The following LGR5 variants were observed in gnomAD, a reference collection of about 807,000 sequenced individuals.
LGR5 encodes leucine rich repeat containing G protein-coupled receptor 5.
A neutral mutation model predicts 76.7 loss-of-function variants in LGR5; 54 were observed. The ratio of observed to expected loss-of-function variants is 0.70; its 90% CI spans 0.57 to 0.88. The LOEUF (loss-of-function observed/expected upper bound fraction) is 0.88. LGR5 is among the 40% of genes least tolerant of loss of function. The pLI, the probability that LGR5 is intolerant of heterozygous loss-of-function variation, is 0.00. For synonymous variants in LGR5, 406 were observed against 421.9 expected (o/e 0.96, Z 0.46); for missense variants, 1,078 against 1,073.3 (o/e 1.00, Z -0.06).
chr12:71,467,923 A>G (rs1592465417), intron 1 of LGR5, among the ~76,000 whole-genome samples: 1 of 152,346 alleles, frequency 6.6e-6, no homozygotes, highest in Non-Finnish European at 1.5e-5. Context: ...TAATTCTCAC[A>G]AAGTTGAGAG....
intron 11 of LGR5, among the ~76,000 whole-genome samples, chr12:71,568,735 G>A (rs1045822982): frequency 2.0e-5 from 3 of 152,128 alleles, no homozygotes; most frequent in Non-Finnish European, 2.9e-5. Flanking sequence ...CTCACCCCTA[G>A]TACAAGGTGC....
intron 7 of LGR5, 124 bp downstream of exon 7, chr12:71,559,778 A>G (rs1877965419): frequency 1.8e-6 from 1 of 544,290 alleles, no homozygotes; most frequent in Middle Eastern, 4.4e-4. Context: ...AAATAATGAT[A>G]AAGTACACTT....
At chr12:71,538,144 C>G (rs768014540) in intron 4 of LGR5, among the ~76,000 whole-genome samples, 1 of 152,088 alleles carries the variant, frequency 6.6e-6, no homozygotes, top group Admixed American at 6.6e-5. Flanking sequence ...CTACAGCAGG[C>G]CTTCTCAACA....
At position 71,582,520 on chromosome 12, in the gene LGR5, G is replaced by T; in HGVS notation, c.1617G>T (p.Val539=). 3.1e-6 allele frequency: 5 copies of T among 1,613,838 alleles called. No homozygotes were observed. Among genetic ancestry groups the T allele is most frequent in the Non-Finnish European group, 4.2e-6 (5 of 1,179,756 alleles). ...AAGACCTGAAAGCCCTTCATTCAGT[G>T]CAGTGTTCACCTTCCCCAGGTGAGA... The part of the protein sequence containing the change: ...FEEDLKALHS[V]QCSPSPGPFK... Residue 539 remains valine (V), a synonymous_variant, in exon 17 of 18, where the codon GTG becomes GTT. Transcript: ENST00000266674.
rs1325569988 is a variant in LGR5, at chr12:71,572,873, A to G, written c.1160A>G (p.Tyr387Cys). ...AGTGACCTAAGACATAATGAAATCT[A>G]CGAAATTAAAGTTGACACTTTCCAG... is the stretch of plus-strand genomic sequence containing the variant. ...QKIDLRHNEI[Y>C]EIKVDTFQQL... The change falls in exon 13 of 18, where the codon TAC becomes TGC. Residue 387 changes from tyrosine to cysteine, a missense_variant. Physicochemically the swap from Tyr to Cys is radical, Grantham distance 194. Transcript: ENST00000266674. 1 of 1,613,854 alleles carries G rather than the reference A, an allele frequency of 6.2e-7. No homozygotes were observed. Among genetic ancestry groups the G allele is most frequent in the Non-Finnish European group, 8.5e-7 (1 of 1,179,760 alleles).
At chr12:71,448,128 A>T (rs1038119729) in intron 1 of LGR5, among the ~76,000 whole-genome samples, 1 of 144,022 alleles carries the variant, frequency 6.9e-6, no homozygotes, top group African/African-American at 2.5e-5. Flanking sequence ...GTGGTGACTA[A>T]CCTTACATGC....
At position 71,578,702 on chromosome 12, in the gene LGR5, T is replaced by C. The variant is rs1878963014; in HGVS notation, c.1281-102T>C. The C allele has an allele frequency of 4.1e-6, 5 of 1,225,526 alleles. No homozygotes were observed. The South Asian group carries it at 9.4e-5, about 23-fold the overall frequency. The allele number at this position is 1,225,526 out of a possible 1,614,324, so 75.9% of individuals were successfully genotyped here. On this transcript the variant is annotated intron_variant, in intron 14 of 17. Coordinates refer to ENST00000266674, the MANE Select transcript of LGR5 (RefSeq NM_003667.4). ...AAGAGTAAGGACCCTGCTTAGAAGT[T>C]TTTATTGAGTAGTTTAACGATCTTT...
intron 1 of LGR5, among the ~76,000 whole-genome samples, chr12:71,498,206 A>G (rs143190739): frequency 6.6e-6 from 1 of 152,206 alleles, no homozygotes; most frequent in African/African-American, 2.4e-5. Flanking sequence ...AATTACAAGC[A>G]AAAACAATCA....
intron 2 of LGR5, among the ~76,000 whole-genome samples, chr12:71,513,133 C>A (rs975112400): frequency 6.6e-5 from 10 of 152,100 alleles, no homozygotes; most frequent in South Asian, 2.1e-4. Flanking sequence ...GATGGCAATG[C>A]ACACTAAAAT....
At chr12:71,504,750 A>T in intron 2 of LGR5, 65 bp downstream of exon 2, 1 of 1,285,764 alleles carries the variant, frequency 7.8e-7, no homozygotes, top group African/African-American at 1.5e-5. Flanking sequence ...TTTGTCTCTC[A>T]TACTTACTGT....
At chr12:71,482,856 C>T (rs1873669139) in intron 1 of LGR5, among the ~76,000 whole-genome samples, 1 of 152,166 alleles carries the variant, frequency 6.6e-6, no homozygotes, top group African/African-American at 2.4e-5. Context: ...CTAGTGAATA[C>T]TCATATCATG....
intron 2 of LGR5, among the ~76,000 whole-genome samples, chr12:71,514,493 G>A (rs935497264): frequency 2.6e-5 from 4 of 151,408 alleles, no homozygotes; most frequent in Non-Finnish European, 5.9e-5. Context: ...GCTTGAACCC[G>A]GAAGGCGGAG....
chr12:71,451,197 G>A (rs1405509971), intron 1 of LGR5, among the ~76,000 whole-genome samples: 1 of 152,166 alleles, frequency 6.6e-6, no homozygotes, highest in Non-Finnish European at 1.5e-5. Context: ...GATCAGATGG[G>A]TTGATTACAG....
chr12:71,544,307 CT>C (rs1565738932), intron 4 of LGR5, among the ~76,000 whole-genome samples: 1 of 23,004 alleles, frequency 4.3e-5, no homozygotes, highest in East Asian at 1.2e-3. Context: ...TTTTTTTTTT[CT>C]TCTTCTTCTT....
intron 1 of LGR5, among the ~76,000 whole-genome samples, chr12:71,491,021 C>A (rs34261469): frequency 0.11 from 17,404 of 152,024 alleles, 1,089 homozygotes; most frequent in African/African-American, 0.16. Context: ...TGCTGTTCTC[C>A]TGATAGCGAA....
chr12:71,558,793 T>C (rs896397003), intron 6 of LGR5, among the ~76,000 whole-genome samples: 3 of 152,170 alleles, frequency 2.0e-5, no homozygotes, highest in African/African-American at 7.2e-5. Flanking sequence ...AATTACTTTT[T>C]CATACGAAGA....
At chr12:71,512,254 C>T (rs67330858) in intron 2 of LGR5, among the ~76,000 whole-genome samples, 14,116 of 152,148 alleles carry the variant, frequency 0.093, 701 homozygotes, top group Non-Finnish European at 0.11. Flanking sequence ...CCTCCCAAAC[C>T]GCTGGGATTA....
rs980368370 is a variant in LGR5, at chr12:71,572,904, G to A, written c.1191G>A (p.Leu397=). 1.9e-6 allele frequency: 3 copies of A among 1,613,716 alleles called. No homozygotes were observed. The highest frequency in any genetic ancestry group is 2.5e-6 in the Non-Finnish European group (3 of 1,179,662). ...YEIKVDTFQQ[L]LSLRSLNLAW... ...TTAAAGTTGACACTTTCCAGCAGTT[G>A]CTTAGCCTCCGATCGCTGTGAGTAT... is the stretch of plus-strand genomic sequence containing the variant. The change falls in exon 13 of 18, where the codon TTG becomes TTA. Residue 397 remains leucine, a synonymous_variant. Transcript: ENST00000266674.
chr12:71,567,098 T>C (rs1878389150), intron 11 of LGR5, 186 bp downstream of exon 11: 6 of 586,126 alleles, frequency 1.0e-5, no homozygotes, highest in Non-Finnish European at 1.8e-5. Flanking sequence ...TAACAAATGG[T>C]AATGTACCCT....
Sources: allele counts gnomAD v4.1 joint callset (sites outside exome capture counted in the v4.1 genomes callset), GRCh38; gene constraint gnomAD v4.1.1; transcripts MANE v1.5; gene names NCBI Gene and HGNC (gene_info 2026-07-23, HGNC 2026-07-21).